The following CAMTA1 variants were observed in gnomAD, a reference collection of about 807,000 sequenced individuals.
CAMTA1 encodes calmodulin binding transcription activator 1.
Under a neutral mutation model 170.9 loss-of-function variants are expected in CAMTA1, and 27 were observed. The observed-to-expected ratio is 0.16, with a 90% confidence interval of 0.12 to 0.22. CAMTA1 has a LOEUF of 0.22. Among genes scored for constraint, CAMTA1 ranks in the 10% least tolerant of loss-of-function variants. The pLI is 1.00. For synonymous variants in CAMTA1, 833 were observed against 891.5 expected (o/e 0.93, Z 1.17); for missense variants, 1,619 against 2,217.2 (o/e 0.73, Z 5.42).
intron 3 of CAMTA1, among the ~76,000 whole-genome samples, chr1:6,850,798 G>A (rs967899904): frequency 1.3e-5 from 2 of 152,118 alleles, no homozygotes; most frequent in Non-Finnish European, 2.9e-5. Flanking sequence ...CTCAGAGGGC[G>A]GAGGACAAAA....
rs1271065069 is a variant in CAMTA1, at chr1:7,284,171, CTTCTTCTTATTA to C, written c.438+34548_438+34559del. 5.1e-3 allele frequency among the ~76,000 whole-genome samples: 591 copies of C among 115,694 alleles called. 3 individuals carry two copies. Among genetic ancestry groups the C allele is most frequent in the Middle Eastern group, 0.016 (4 of 248 alleles). 75.9% of individuals were successfully genotyped at this position (115,694 alleles called of 152,430 possible). A position where few individuals can be genotyped will look rare whatever the true frequency, so the allele number is the denominator to read the frequency against. On this transcript the variant is annotated intron_variant, in intron 5 of 22. Transcript: ENST00000303635. ...TCTTCTTCTTCTTCTTCTTCTTCTTCTTCTTCTTATTATTATTATTATTATTATTATTATTAT... is the reference window on the plus strand; with the variant it reads ...TCTTCTTCTTCTTCTTCTTCTTCTTCTTATTATTATTATTATTATTATTAT...
At chr1:7,246,254 T>C (rs1450146780) in intron 4 of CAMTA1, among the ~76,000 whole-genome samples, 1 of 152,220 alleles carries the variant, frequency 6.6e-6, no homozygotes, top group African/African-American at 2.4e-5. Flanking sequence ...GGAATGATAA[T>C]AATACCTACC....
chr1:7,055,014 CT>C (rs1449683425), intron 3 of CAMTA1, among the ~76,000 whole-genome samples: 4 of 152,010 alleles, frequency 2.6e-5, no homozygotes, highest in Non-Finnish European at 5.9e-5. Flanking sequence ...GTGCCACACA[CT>C]TTAAACAACC....
intron 3 of CAMTA1, among the ~76,000 whole-genome samples, chr1:6,826,063 A>T (rs1309635811): frequency 1.3e-5 from 2 of 152,176 alleles, no homozygotes; most frequent in Admixed American, 6.5e-5. Flanking sequence ...CCCTATCCTT[A>T]TTGGACACTC....
intron 3 of CAMTA1, among the ~76,000 whole-genome samples, chr1:7,074,548 G>A (rs1310527166): frequency 1.3e-5 from 2 of 152,128 alleles, no homozygotes; most frequent in Non-Finnish European, 2.9e-5. Flanking sequence ...AGATAATACT[G>A]TTATATAGTG....
intron 3 of CAMTA1, among the ~76,000 whole-genome samples, chr1:6,856,653 A>G (rs1016807833): frequency 6.6e-6 from 1 of 152,206 alleles, no homozygotes; most frequent in Non-Finnish European, 1.5e-5. Flanking sequence ...ATAATTAATT[A>G]TAAGAATGGG....
rs941881011 is a variant in CAMTA1, at chr1:7,064,474, G to C, written c.235-26830G>C. Among the ~76,000 whole-genome samples the C allele has an allele frequency of 6.6e-6, 1 of 152,170 alleles. No individual in the cohort carries two copies. The highest frequency in any genetic ancestry group is 1.5e-5 in the Non-Finnish European group (1 of 68,026). ...ATAGCAGTCAGTAAATAGATAAAGC[G>C]AATTTCCCTGGTGGGAAGTGCTGCA... On this transcript the variant is annotated intron_variant, in intron 3 of 22. Transcript: ENST00000303635. This position sits in a 1 kb window ranked among gnomAD's most constrained non-coding sequence, Gnocchi z 5.4.
At chr1:7,514,926 G>A (rs1266787400) in intron 6 of CAMTA1, among the ~76,000 whole-genome samples, 2 of 152,146 alleles carry the variant, frequency 1.3e-5, no homozygotes, top group South Asian at 2.1e-4. Context: ...AAGAGCAAAT[G>A]TCTGTTCCTC....
intron 6 of CAMTA1, among the ~76,000 whole-genome samples, chr1:7,492,744 CGCGCACACACACACAAACCTACATACACA>C (rs2093733715): frequency 1.8e-4 from 16 of 90,544 alleles, no homozygotes; most frequent in East Asian, 8.5e-4. Flanking sequence ...TACACACACG[CGCGCACACACACACAAACCTACATACACA>C]AGTGCACACA....
At chr1:7,725,565 CTG>C (rs1332570060) in intron 11 of CAMTA1, among the ~76,000 whole-genome samples, 1 of 152,236 alleles carries the variant, frequency 6.6e-6, no homozygotes, top group Non-Finnish European at 1.5e-5. Context: ...ATCTCTGCTT[CTG>C]TTTGAGCAGG....
intron 4 of CAMTA1, among the ~76,000 whole-genome samples, chr1:7,155,396 G>A (rs1248446647): frequency 1.3e-5 from 2 of 151,506 alleles, no homozygotes; most frequent in Non-Finnish European, 2.9e-5. Context: ...TTGGGGGGGG[G>A]ATTGGGCAGG....
intron 3 of CAMTA1, among the ~76,000 whole-genome samples, chr1:6,972,791 A>G (rs1442097941): frequency 6.6e-6 from 1 of 152,186 alleles, no homozygotes; most frequent in East Asian, 1.9e-4. Context: ...TGTTTTGGTA[A>G]GAATGCTAAA....
chr1:6,791,112 C>CT (rs35656164), intron 1 of CAMTA1, among the ~76,000 whole-genome samples: 85 of 129,094 alleles, frequency 6.6e-4, no homozygotes, highest in East Asian at 2.7e-3. Context: ...GTACCCTGTC[C>CT]TTTTTTTTTT....
At chr1:7,720,781 C>A (rs2096644580) in intron 11 of CAMTA1, among the ~76,000 whole-genome samples, 1 of 152,228 alleles carries the variant, frequency 6.6e-6, no homozygotes, top group South Asian at 2.1e-4. Context: ...TCATACCCAG[C>A]CTTGCTTCCA....
chr1:7,121,386 A>C (rs566069251), intron 4 of CAMTA1, among the ~76,000 whole-genome samples: 1 of 152,234 alleles, frequency 6.6e-6, no homozygotes, highest in Non-Finnish European at 1.5e-5. Flanking sequence ...AAGATGGATC[A>C]AATCAAACTC....
chr1:7,105,825 C>T (rs563288603), intron 4 of CAMTA1, among the ~76,000 whole-genome samples: 17 of 152,034 alleles, frequency 1.1e-4, no homozygotes, highest in Admixed American at 7.9e-4. Context: ...CCTGTGGTCC[C>T]AGCTACTCGA....
intron 5 of CAMTA1, among the ~76,000 whole-genome samples, chr1:7,450,726 T>A (rs1434618526): frequency 6.6e-6 from 1 of 152,238 alleles, no homozygotes; most frequent in Non-Finnish European, 1.5e-5. Flanking sequence ...TCCAGGAAAT[T>A]TGTACCACAT....
chr1:7,269,450 A>G (rs1355929560), intron 5 of CAMTA1, among the ~76,000 whole-genome samples: 2 of 152,234 alleles, frequency 1.3e-5, no homozygotes, highest in African/African-American at 4.8e-5. Flanking sequence ...GTGACATCTC[A>G]TCATCTTTGA....
At chr1:6,921,439 T>C (rs1681987277) in intron 3 of CAMTA1, among the ~76,000 whole-genome samples, 1 of 152,230 alleles carries the variant, frequency 6.6e-6, no homozygotes, top group South Asian at 2.1e-4. Context: ...CTTTTGCACG[T>C]TTTCCTGTCT....
Sources: allele counts gnomAD v4.1 joint callset (sites outside exome capture counted in the v4.1 genomes callset), GRCh38; gene constraint gnomAD v4.1.1; non-coding constraint Gnocchi (gnomAD v3.1); transcripts MANE v1.5; gene names NCBI Gene and HGNC (gene_info 2026-07-23, HGNC 2026-07-21).